TBC1D4: variants seen among roughly 807,000 people sequenced by gnomAD.
The protein encoded by TBC1D4 is TBC (Tre-2, BUB2, CDC16) domain-containing protein.
Under a neutral mutation model 142.5 loss-of-function variants are expected in TBC1D4, and 121 were observed. The observed-to-expected ratio is 0.85, with a 90% confidence interval of 0.73 to 0.99. The LOEUF (loss-of-function observed/expected upper bound fraction) is 0.99. Among genes scored for constraint, TBC1D4 ranks in the 50% least tolerant of loss-of-function variants. TBC1D4 has a pLI of 0.00. For missense variants in TBC1D4, 1,475 were observed against 1,606.6 expected, an observed-to-expected ratio of 0.92 and a Z score of 1.40; for synonymous variants, 630 against 628.2, an observed-to-expected ratio of 1.00 and a Z score of -0.04.
intron 1 of TBC1D4, among the ~76,000 whole-genome samples, chr13:75,444,960 C>A (rs975667998): frequency 1.3e-5 from 2 of 151,964 alleles, no homozygotes; most frequent in Non-Finnish European, 2.9e-5. Flanking sequence ...ACATCATTTA[C>A]CCTCATAAAA....
chr13:75,470,257 G>A (rs939873064), intron 1 of TBC1D4, among the ~76,000 whole-genome samples: 13 of 152,046 alleles, frequency 8.6e-5, no homozygotes, highest in South Asian at 4.1e-4. Flanking sequence ...ACTGTAGCAC[G>A]AAAACATAAA....
In TBC1D4 at chr13:75,324,221, A is replaced by C. The variant is rs1382008924; in HGVS notation, c.2198+16T>G. 1 of 1,613,682 alleles carries C rather than the reference A, an allele frequency of 6.2e-7. No individual in the cohort carries two copies. The highest frequency in any genetic ancestry group is 1.1e-5 in the South Asian group (1 of 91,076). On this transcript the variant is annotated intron_variant, in intron 11 of 20. Transcript: ENST00000377636. ...GCAGAAAATTTTGCTTTGCAAACAG[A>C]GGACACTGATCTCACCTGATTTCAT...
intron 1 of TBC1D4, among the ~76,000 whole-genome samples, chr13:75,398,896 C>T (rs567652211): frequency 6.6e-6 from 1 of 152,308 alleles, no homozygotes; most frequent in South Asian, 2.1e-4. Context: ...CTTTAAGGGG[C>T]TGTCCCACAG....
rs1041297195 is a variant in TBC1D4 at position 75,306,478 on chromosome 13, A to G, written c.2594-7T>C. 16 of 1,612,496 alleles carry G rather than the reference A, an allele frequency of 9.9e-6. No individual in the cohort carries two copies. The highest frequency in any genetic ancestry group is 2.7e-5 in the African/African-American group (2 of 74,886). ...TGGAGTTCATCTCTGCTTGCTAAGG[A>G]AAAAAACAATTTACGTAAGACCAAT... On this transcript the variant is annotated splice_polypyrimidine_tract_variant and splice_region_variant and intron_variant, in intron 14 of 20. Transcript: ENST00000377636.
At chr13:75,314,298 G>T (rs1878066052) in intron 12 of TBC1D4, among the ~76,000 whole-genome samples, 1 of 152,114 alleles carries the variant, frequency 6.6e-6, no homozygotes, top group African/African-American at 2.4e-5. Flanking sequence ...ACTTTTGATG[G>T]AATCAAAAGG....
intron 20 of TBC1D4, 103 bp from the exon 21 acceptor site, chr13:75,287,128 T>C (rs1874768504): frequency 1.0e-6 from 1 of 982,662 alleles, no homozygotes. Flanking sequence ...AATAAAATAT[T>C]ATGTGAAGCA....
intron 1 of TBC1D4, among the ~76,000 whole-genome samples, chr13:75,406,965 A>G (rs1344905579): frequency 2.0e-5 from 3 of 152,224 alleles, no homozygotes; most frequent in African/African-American, 7.2e-5. Flanking sequence ...TTCATACCCT[A>G]GTGAGACCGA....
intron 1 of TBC1D4, among the ~76,000 whole-genome samples, chr13:75,478,764 C>T (rs957860508): frequency 3.9e-5 from 6 of 152,198 alleles, no homozygotes; most frequent in Admixed American, 2.6e-4. Flanking sequence ...ATGGTCCCAG[C>T]TTCCCCTACT....
intron 1 of TBC1D4, among the ~76,000 whole-genome samples, chr13:75,463,464 C>A (rs1017162298): frequency 2.6e-5 from 4 of 152,196 alleles, no homozygotes; most frequent in Non-Finnish European, 4.4e-5. Context: ...CCAGGGCCCA[C>A]ACTGGAGATT....
chr13:75,469,134 T>C (rs1888288204), intron 1 of TBC1D4, among the ~76,000 whole-genome samples: 1 of 152,110 alleles, frequency 6.6e-6, no homozygotes, highest in Non-Finnish European at 1.5e-5. Context: ...ACAAAGGCTC[T>C]GGAGTGATTT....
At chr13:75,443,278 T>C (rs1273471852) in intron 1 of TBC1D4, among the ~76,000 whole-genome samples, 1 of 152,182 alleles carries the variant, frequency 6.6e-6, no homozygotes, top group African/African-American at 2.4e-5. Flanking sequence ...AAAATAAGAA[T>C]TAGAAACACA....
intron 5 of TBC1D4, among the ~76,000 whole-genome samples, chr13:75,348,038 G>A (rs1881295148): frequency 6.6e-6 from 1 of 152,168 alleles, no homozygotes; most frequent in Non-Finnish European, 1.5e-5. Context: ...TTACTTGGAA[G>A]GCTGAGGCAG....
At chr13:75,468,297 C>T (rs1888250484) in intron 1 of TBC1D4, among the ~76,000 whole-genome samples, 1 of 152,182 alleles carries the variant, frequency 6.6e-6, no homozygotes, top group African/African-American at 2.4e-5. Flanking sequence ...CAAAGCCATT[C>T]TCAAGCACTG....
chr13:75,399,480 G>A (rs1884968941), intron 1 of TBC1D4, among the ~76,000 whole-genome samples: 1 of 151,968 alleles, frequency 6.6e-6, no homozygotes, highest in Non-Finnish European at 1.5e-5. Flanking sequence ...CAAATAACTT[G>A]TCCTTTTATT....
intron 1 of TBC1D4, among the ~76,000 whole-genome samples, chr13:75,394,606 A>G (rs1884683203): frequency 6.8e-6 from 1 of 147,102 alleles, no homozygotes; most frequent in African/African-American, 2.5e-5. Flanking sequence ...CCTTATTATT[A>G]AATAGCAAAC....
chr13:75,426,646 T>G (rs577900996), intron 1 of TBC1D4, among the ~76,000 whole-genome samples: 1 of 152,310 alleles, frequency 6.6e-6, no homozygotes, highest in East Asian at 1.9e-4. Flanking sequence ...AGCAATCTTG[T>G]GCAATCCCTT....
chr13:75,293,031 T>G (rs986697293), intron 18 of TBC1D4, among the ~76,000 whole-genome samples: 1 of 152,186 alleles, frequency 6.6e-6, no homozygotes, highest in African/African-American at 2.4e-5. Flanking sequence ...GGCACATGCC[T>G]GTAGTCTTAG....
Position 75,292,214 on chromosome 13 carries a change from C to T in TBC1D4, c.3374G>A (p.Ser1125Asn), listed in dbSNP as rs1356511870. 1.2e-6 allele frequency: 2 copies of T among 1,613,444 alleles called. No homozygotes were observed. The highest frequency in any genetic ancestry group is 1.7e-6 in the Non-Finnish European group (2 of 1,179,682). Reference protein sequence around the residue: ...VIFKVALSLLSSQETLIMECE... With the variant: ...VIFKVALSLLNSQETLIMECE... ...TTCCATTATAAGTGTCTCTTGGCTG[C>T]TCAGTAGGCTGAGTGCAACCTTGAA... The change falls in exon 19 of 21, where the codon AGC becomes AAC. Residue 1125 changes from serine to asparagine, a missense_variant. Physicochemically the swap from Ser to Asn is conservative, Grantham distance 46 (BLOSUM62 1). This residue lies in a region of TBC1D4 where 248 missense variants were observed against 338.9 expected (regional missense o/e 0.73). Transcript: ENST00000377636.
chr13:75,422,335 G>A (rs762348680), intron 1 of TBC1D4, among the ~76,000 whole-genome samples: 1 of 152,014 alleles, frequency 6.6e-6, no homozygotes, highest in Admixed American at 6.6e-5. Flanking sequence ...AAATCAGACA[G>A]TCATTTCTTT....
Sources: allele counts gnomAD v4.1 joint callset (sites outside exome capture counted in the v4.1 genomes callset), GRCh38; gene constraint gnomAD v4.1.1; regional missense constraint gnomAD v4.1.1; transcripts MANE v1.5; gene names NCBI Gene and HGNC (gene_info 2026-07-23, HGNC 2026-07-21).